Variants in ANO1 observed in about 807,000 individuals in gnomAD.
The protein encoded by ANO1 is anoctamin 1, also known as anoctamin-1.
ANO1 carries 59 observed loss-of-function variants against 124.0 expected under a neutral mutation model. That is an observed-to-expected ratio of 0.48 (90% CI 0.39 to 0.59). The LOEUF (loss-of-function observed/expected upper bound fraction) is 0.59, where lower values mean the gene tolerates loss of function less well. Ranked by LOEUF, ANO1 falls within the 20% of genes least tolerant of loss-of-function variation. The pLI, the probability that ANO1 is intolerant of heterozygous loss-of-function variation, is 0.00. For missense variants in ANO1, 1,059 were observed against 1,328.0 expected, an observed-to-expected ratio of 0.80 and a Z score of 3.15; for synonymous variants, 529 against 532.0, an observed-to-expected ratio of 0.99 and a Z score of 0.08.
intron 11 of ANO1, among the ~76,000 whole-genome samples, chr11:70,137,230 G>A (rs1565237816): frequency 6.8e-6 from 1 of 146,594 alleles, no homozygotes. Context: ...CACTGTATCC[G>A]AACAGCGGAG....
intron 1 of ANO1, among the ~76,000 whole-genome samples, chr11:70,038,311 A>G (rs1041555132): frequency 6.6e-6 from 1 of 152,142 alleles, no homozygotes; most frequent in Non-Finnish European, 1.5e-5. Context: ...CCTATTTAGA[A>G]AAGTTTCAAG....
chr11:70,088,120 G>A, intron 2 of ANO1, 36 bp downstream of exon 2: 1 of 200,964 alleles, frequency 5.0e-6, no homozygotes, highest in Non-Finnish European at 1.0e-5. Context: ...GTGGGGGGTG[G>A]GGGGTGGGCT....
intron 1 of ANO1, among the ~76,000 whole-genome samples, chr11:70,057,074 C>A (rs1308378153): frequency 6.6e-6 from 1 of 151,356 alleles, no homozygotes; most frequent in Non-Finnish European, 1.5e-5. Flanking sequence ...ATATCTGGAT[C>A]TGCTGTTGGT....
chr11:70,157,366 C>CA (rs529445782), intron 16 of ANO1, among the ~76,000 whole-genome samples: 12,252 of 98,002 alleles, frequency 0.13, 924 homozygotes, highest in Middle Eastern at 0.2. Flanking sequence ...GACTCTGTCT[C>CA]AAAAAAAAAA....
At chr11:70,153,154 T>G in intron 14 of ANO1, 26 bp downstream of exon 14, 1 of 1,549,806 alleles carries the variant, frequency 6.5e-7, no homozygotes, top group Non-Finnish European at 8.8e-7. Context: ...TGGGTTAACT[T>G]TCCCAGCAAT....
the ANO1 span, among the ~76,000 whole-genome samples, chr11:69,980,698 C>T: frequency 2.6e-5 from 4 of 151,932 alleles, no homozygotes; most frequent in African/African-American, 4.8e-5. Context: ...GCCACTGAGC[C>T]GCACACTTAA....
intron 11 of ANO1, among the ~76,000 whole-genome samples, chr11:70,135,134 G>A (rs547478572): frequency 1.3e-5 from 2 of 152,148 alleles, no homozygotes; most frequent in Admixed American, 6.5e-5. Flanking sequence ...TGAGAGAAGC[G>A]ATTGGGAGCC....
intron 24 of ANO1, among the ~76,000 whole-genome samples, chr11:70,185,187 A>T (rs902013837): frequency 2.0e-5 from 3 of 152,202 alleles, no homozygotes; most frequent in Non-Finnish European, 2.9e-5. Flanking sequence ...TCAACCAAGT[A>T]GGCTCTGCAC....
At chr11:70,160,411 G>C (rs1421051603) in intron 16 of ANO1, among the ~76,000 whole-genome samples, 1 of 152,188 alleles carries the variant, frequency 6.6e-6, no homozygotes, top group African/African-American at 2.4e-5. Context: ...GAGGTGTGTG[G>C]AACAATCTTG....
intron 12 of ANO1, among the ~76,000 whole-genome samples, chr11:70,151,242 C>T (rs1299164269): frequency 1.3e-5 from 2 of 152,260 alleles, no homozygotes; most frequent in African/African-American, 4.8e-5. Context: ...CTAGTGGCCA[C>T]TGGGCGACAC....
intron 16 of ANO1, among the ~76,000 whole-genome samples, chr11:70,157,872 C>T (rs541503043): frequency 6.8e-6 from 1 of 147,256 alleles, no homozygotes; most frequent in Middle Eastern, 3.5e-3. Flanking sequence ...CCCAGCTATT[C>T]GGGAGGCTGT....
chr11:70,065,666 C>T (rs1392278559), intron 1 of ANO1, among the ~76,000 whole-genome samples: 2 of 151,938 alleles, frequency 1.3e-5, no homozygotes, highest in Admixed American at 6.6e-5. Context: ...TCCCAACCTC[C>T]TCTCTGCCCT....
intron 9 of ANO1, among the ~76,000 whole-genome samples, chr11:70,125,558 GA>G (rs1298272143): frequency 1.3e-5 from 2 of 149,554 alleles, no homozygotes; most frequent in African/African-American, 4.9e-5. Context: ...AAAAGAAAGA[GA>G]AGAGGCTGGG....
At chr11:70,184,791 G>A (rs1255250557) in intron 24 of ANO1, among the ~76,000 whole-genome samples, 1 of 152,168 alleles carries the variant, frequency 6.6e-6, no homozygotes, top group African/African-American at 2.4e-5. Context: ...TTGTGGCCCA[G>A]GCTGAAGAGC....
At chr11:70,173,742 T>C (rs1019373393) in intron 22 of ANO1, among the ~76,000 whole-genome samples, 3 of 152,114 alleles carry the variant, frequency 2.0e-5, no homozygotes, top group Non-Finnish European at 2.9e-5. Flanking sequence ...CATTTTTCAT[T>C]TCACACTTTA....
intron 16 of ANO1, among the ~76,000 whole-genome samples, chr11:70,160,811 C>T (rs2048012642): frequency 1.3e-5 from 2 of 152,234 alleles, no homozygotes; most frequent in African/African-American, 4.8e-5. Flanking sequence ...GGGATGGTGC[C>T]TGGGCTCCGG....
upstream of ANO1, among the ~76,000 whole-genome samples, chr11:70,074,414 A>G (rs1448063298): frequency 6.6e-6 from 1 of 152,154 alleles, no homozygotes; most frequent in Non-Finnish European, 1.5e-5. Context: ...AAGAAACCCA[A>G]TCTCCTTTCT....
In ANO1 at chr11:70,087,816, G is replaced by A; in HGVS notation, c.173G>A (p.Gly58Asp). ...ECKYGLYFRD[G>D]RRKVDYILVY... ...AAGTATGGCCTGTACTTCAGGGACGGCCGGCGCAAGGTGGACTACATCCTG... is the reference window on the plus strand; with the variant it reads ...AAGTATGGCCTGTACTTCAGGGACGACCGGCGCAAGGTGGACTACATCCTG... The change falls in exon 2 of 26, where the codon GGC becomes GAC. Residue 58 changes from glycine to aspartate, a missense_variant. By Grantham distance (94) the Gly-to-Asp change is moderately conservative (BLOSUM62 -1). Transcript: ENST00000355303. The A allele has an allele frequency of 1.2e-6, 2 of 1,613,044 alleles. No individual in the cohort carries two copies. Among genetic ancestry groups the A allele is most frequent in the Non-Finnish European group, 1.7e-6 (2 of 1,179,694 alleles).
intron 11 of ANO1, among the ~76,000 whole-genome samples, chr11:70,135,029 G>A (rs762763587): frequency 4.6e-5 from 7 of 152,120 alleles, no homozygotes; most frequent in Non-Finnish European, 8.8e-5. Flanking sequence ...TGCTCGAGTC[G>A]GAGACCGCAA....
Sources: gnomAD v4.1 joint callset for allele counts (sites outside exome capture counted in the v4.1 genomes callset) on GRCh38, gnomAD v4.1.1 for gene constraint, MANE v1.5 for transcripts, NCBI Gene and HGNC (gene_info 2026-07-23, HGNC 2026-07-21) for gene names.